Variants in RNF13 observed in about 807,000 individuals in gnomAD.
RNF13 encodes E3 ubiquitin-protein ligase RNF13.
In RNF13, 19 loss-of-function variants were observed where a neutral mutation model predicts 37.7. That is an observed-to-expected ratio of 0.50 (90% CI 0.35 to 0.74). RNF13 has a LOEUF of 0.74. Ranked by LOEUF, RNF13 falls within the 30% of genes least tolerant of loss-of-function variation. RNF13 has a pLI of 0.01. For synonymous variants in RNF13, 144 were observed against 157.8 expected, an observed-to-expected ratio of 0.91 and a Z score of 0.65; for missense variants, 375 against 453.0, an observed-to-expected ratio of 0.83 and a Z score of 1.56.
intron 6 of RNF13, among the ~76,000 whole-genome samples, chr3:149,907,143 C>T (rs1716497836): frequency 6.6e-6 from 1 of 152,096 alleles, no homozygotes; most frequent in Non-Finnish European, 1.5e-5. Flanking sequence ...ATATAATAAC[C>T]TGCAATTTGA....
At chr3:149,896,726 AC>A (rs1715314133) in intron 5 of RNF13, among the ~76,000 whole-genome samples, 1 of 151,892 alleles carries the variant, frequency 6.6e-6, no homozygotes. Context: ...TGATCCGCCC[AC>A]CTCAGCCTCC....
At chr3:149,879,325 TG>T (rs1713109316) in intron 4 of RNF13, among the ~76,000 whole-genome samples, 1 of 151,088 alleles carries the variant, frequency 6.6e-6, no homozygotes, top group Non-Finnish European at 1.5e-5. Context: ...TTTTTTTTTT[TG>T]AGACAGGGTC....
chr3:149,915,395 C>T (rs968105909), intron 7 of RNF13, among the ~76,000 whole-genome samples: 1 of 152,102 alleles, frequency 6.6e-6, no homozygotes, highest in Non-Finnish European at 1.5e-5. Context: ...TAGACAATCC[C>T]TTGAGCACTG....
intron 1 of RNF13, chr3:149,814,171 A>AGT (rs1719185320): frequency 6.6e-6 from 1 of 152,198 alleles, no homozygotes; most frequent in Non-Finnish European, 1.5e-5. Context: ...ACTGTTCGTC[A>AGT]GTGATGCAGC....
chr3:149,873,414 C>T (rs1347730897), intron 4 of RNF13, among the ~76,000 whole-genome samples: 2 of 152,178 alleles, frequency 1.3e-5, no homozygotes, highest in Non-Finnish European at 2.9e-5. Flanking sequence ...GGAATGAATA[C>T]AGTAGGCTTG....
In RNF13 at chr3:149,961,416, T is replaced by TAA; in HGVS notation, c.*313_*314dup. The TAA allele has an allele frequency of 2.0e-6, 1 of 500,210 alleles. No homozygotes were observed. The highest frequency in any genetic ancestry group is 1.6e-5 in the South Asian group (1 of 61,584). 31.0% of individuals were successfully genotyped at this position (500,210 alleles called of 1,614,324 possible). ...CAATTAAGACCTAGATCACAGTATT[T>TAA]AAGTGTTTTGCGTTTTATACATGAG... is the stretch of plus-strand genomic sequence containing the variant. On this transcript the variant is annotated 3_prime_UTR_variant, in exon 10 of 10. Transcript: ENST00000392894.
chr3:149,918,777 C>T (rs1717815833), intron 7 of RNF13, among the ~76,000 whole-genome samples: 1 of 151,488 alleles, frequency 6.6e-6, no homozygotes. Flanking sequence ...AGTCCTTCAG[C>T]CTTGGCCTCC....
chr3:149,900,385 TA>T (rs1042004409), intron 5 of RNF13, among the ~76,000 whole-genome samples: 13 of 149,054 alleles, frequency 8.7e-5, no homozygotes, highest in East Asian at 2.0e-4. Context: ...CTCCCAAATA[TA>T]AAAAAAAATA....
At chr3:149,922,164 G>A (rs547512987) in intron 8 of RNF13, among the ~76,000 whole-genome samples, 22 of 152,222 alleles carry the variant, frequency 1.4e-4, no homozygotes, top group African/African-American at 5.3e-4. Flanking sequence ...AGTAGAGACG[G>A]GGTTTCACCA....
At chr3:149,830,121 AAT>A (rs1360619151) in intron 1 of RNF13, among the ~76,000 whole-genome samples, 4 of 117,980 alleles carry the variant, frequency 3.4e-5, no homozygotes, top group Non-Finnish European at 5.2e-5. Flanking sequence ...GCAGTATGAA[AAT>A]GGACTAACAT....
intron 3 of RNF13, 46 bp downstream of exon 3, chr3:149,852,642 A>C (rs769939419): frequency 2.3e-6 from 2 of 878,284 alleles, no homozygotes; most frequent in Non-Finnish European, 3.5e-6. Context: ...GTATTTAATA[A>C]GGTGATTTTT....
At chr3:149,909,338 G>A (rs971428320) in intron 6 of RNF13, among the ~76,000 whole-genome samples, 1 of 150,482 alleles carries the variant, frequency 6.6e-6, no homozygotes, top group Non-Finnish European at 1.5e-5. Context: ...GCAGTGGTGC[G>A]ATCTCAGCTC....
chr3:149,881,102 G>A (rs1262304110), intron 4 of RNF13, among the ~76,000 whole-genome samples: 1 of 152,094 alleles, frequency 6.6e-6, no homozygotes, highest in Non-Finnish European at 1.5e-5. Context: ...CCTGGTAATG[G>A]ATCATGACCT....
At chr3:149,907,162 TC>T (rs1559942524) in intron 6 of RNF13, among the ~76,000 whole-genome samples, 1 of 152,212 alleles carries the variant, frequency 6.6e-6, no homozygotes, top group Non-Finnish European at 1.5e-5. Context: ...GACTAAATTC[TC>T]TTACTGTTGA....
At chr3:149,875,494 A>G (rs1712579386) in intron 4 of RNF13, among the ~76,000 whole-genome samples, 1 of 152,154 alleles carries the variant, frequency 6.6e-6, no homozygotes. Context: ...AAAATGGCAT[A>G]TTTTCTTCAT....
chr3:149,853,356 C>G (rs1723286160), intron 3 of RNF13, among the ~76,000 whole-genome samples: 1 of 151,848 alleles, frequency 6.6e-6, no homozygotes, highest in Admixed American at 6.6e-5. Context: ...TCCCTATACC[C>G]TCTTAAATAC....
At chr3:149,869,412 C>T (rs900450339) in intron 3 of RNF13, among the ~76,000 whole-genome samples, 6 of 151,442 alleles carry the variant, frequency 4.0e-5, no homozygotes, top group South Asian at 2.1e-4. Flanking sequence ...GAGACCATCC[C>T]GGCTAAAACG....
chr3:149,872,859 C>A (rs559018289), intron 4 of RNF13, among the ~76,000 whole-genome samples: 45 of 152,176 alleles, frequency 3.0e-4, no homozygotes, highest in Non-Finnish European at 5.6e-4. Context: ...ATTTTCTCTG[C>A]AATTTTGATT....
intron 8 of RNF13, among the ~76,000 whole-genome samples, chr3:149,958,218 G>A (rs1216898833): frequency 6.6e-6 from 1 of 152,032 alleles, no homozygotes; most frequent in African/African-American, 2.4e-5. Context: ...TTATCTATAG[G>A]TTAGAAGTTT....
Sources: gnomAD v4.1 joint callset for allele counts (sites outside exome capture counted in the v4.1 genomes callset) on GRCh38, gnomAD v4.1.1 for gene constraint, MANE v1.5 for transcripts, NCBI Gene and HGNC (gene_info 2026-07-23, HGNC 2026-07-21) for gene names.